The following ZDHHC14 variants were observed in gnomAD, a reference collection of about 807,000 sequenced individuals.
ZDHHC14 encodes palmitoyltransferase ZDHHC14.
Under a neutral mutation model 47.7 loss-of-function variants are expected in ZDHHC14, and 16 were observed. The ratio of observed to expected loss-of-function variants is 0.34; its 90% confidence interval spans 0.23 to 0.51. ZDHHC14 has a LOEUF of 0.51. Among genes scored for constraint, ZDHHC14 ranks in the 20% least tolerant of loss-of-function variants. The pLI, the probability that ZDHHC14 is intolerant of heterozygous loss-of-function variation, is 0.97. For missense variants in ZDHHC14, 515 were observed against 662.5 expected, an observed-to-expected ratio of 0.78 and a Z score of 2.44; for synonymous variants, 293 against 278.9, an observed-to-expected ratio of 1.05 and a Z score of -0.50.
At chr6:157,426,628 T>C (rs1583634825) in intron 1 of ZDHHC14, among the ~76,000 whole-genome samples, 1 of 152,014 alleles carries the variant, frequency 6.6e-6, no homozygotes, top group East Asian at 1.9e-4. Context: ...GCTGTGGGTT[T>C]GGATGAGGAG....
Position 157,673,659 on chromosome 6 carries a change from T to C in ZDHHC14, c.*537T>C, listed in dbSNP as rs772589330. 1.3e-5 allele frequency: 2 copies of C among 153,052 alleles called. No individual in the cohort carries two copies. The highest frequency in any genetic ancestry group is 2.4e-5 in the African/African-American group (1 of 41,458). The allele number at this position is 153,052 out of a possible 1,614,324, so 9.5% of individuals were successfully genotyped here. On this transcript the variant is annotated 3_prime_UTR_variant, in exon 9 of 9. Transcript: ENST00000359775. The surrounding 1 kb of genome is among the most constrained non-coding windows in gnomAD (Gnocchi z 5.4). Reference sequence around the variant, plus strand: ...CTTTCTTTTTCTTTTTTTAATTTTGTGAATTTTCAAGTGCTGTTTTGTTGG... The same window carrying C: ...CTTTCTTTTTCTTTTTTTAATTTTGCGAATTTTCAAGTGCTGTTTTGTTGG...
At chr6:157,443,545 A>G (rs894732151) in intron 1 of ZDHHC14, among the ~76,000 whole-genome samples, 7 of 152,200 alleles carry the variant, frequency 4.6e-5, no homozygotes, top group African/African-American at 1.7e-4. Context: ...AAAACCAAAA[A>G]CATAAGCCAG....
At chr6:157,550,318 T>C (rs1480242993) in intron 2 of ZDHHC14, among the ~76,000 whole-genome samples, 2 of 145,700 alleles carry the variant, frequency 1.4e-5, no homozygotes, top group African/African-American at 2.6e-5. Context: ...CACACAGGCA[T>C]TCTAGAGAGA....
chr6:157,647,479 C>T (rs1777619322), intron 7 of ZDHHC14, 111 bp downstream of exon 7: 1 of 691,082 alleles, frequency 1.4e-6, no homozygotes, highest in South Asian at 2.0e-5. Flanking sequence ...ACCACGTGAC[C>T]ACTTTGTGCC....
intron 1 of ZDHHC14, among the ~76,000 whole-genome samples, chr6:157,467,575 A>T (rs1779250689): frequency 6.7e-6 from 1 of 149,072 alleles, no homozygotes; most frequent in South Asian, 2.1e-4. Context: ...TTTGAGATGG[A>T]GCCTCACTCT....
chr6:157,419,292 T>C (rs1778049429), intron 1 of ZDHHC14, among the ~76,000 whole-genome samples: 1 of 152,230 alleles, frequency 6.6e-6, no homozygotes, highest in Non-Finnish European at 1.5e-5. Flanking sequence ...GTATATTCTA[T>C]GGATTTATGT....
At chr6:157,532,395 G>A (rs913233174) in intron 1 of ZDHHC14, among the ~76,000 whole-genome samples, 1 of 152,326 alleles carries the variant, frequency 6.6e-6, no homozygotes, top group Middle Eastern at 3.4e-3. Flanking sequence ...GTGTTGAGGA[G>A]ATTTAATTTG....
chr6:157,536,819 C>CTTTTTTT (rs768063106), intron 1 of ZDHHC14, among the ~76,000 whole-genome samples: 1 of 97,998 alleles, frequency 1.0e-5, no homozygotes. Context: ...CTCCATCTAT[C>CTTTTTTT]TTTTTTTTTT....
At chr6:157,652,158 G>A (rs1439422977) in intron 7 of ZDHHC14, among the ~76,000 whole-genome samples, 1 of 152,178 alleles carries the variant, frequency 6.6e-6, no homozygotes, top group African/African-American at 2.4e-5. Flanking sequence ...AACCTATGGA[G>A]TGTTCAGCTG....
At chr6:157,610,413 C>A (rs965610297) in intron 3 of ZDHHC14, among the ~76,000 whole-genome samples, 2 of 152,114 alleles carry the variant, frequency 1.3e-5, no homozygotes, top group Admixed American at 6.5e-5. Flanking sequence ...GCCTGGGTGA[C>A]AGAGCAAGAC....
intron 1 of ZDHHC14, among the ~76,000 whole-genome samples, chr6:157,529,549 G>C (rs141404471): frequency 6.6e-6 from 1 of 152,202 alleles, no homozygotes; most frequent in African/African-American, 2.4e-5. Context: ...TTGACCTTCA[G>C]TCACTAAGGC....
chr6:157,648,823 C>T (rs944385389), intron 7 of ZDHHC14, among the ~76,000 whole-genome samples: 8 of 152,192 alleles, frequency 5.3e-5, no homozygotes, highest in Non-Finnish European at 8.8e-5. Context: ...TGGTGCTTCC[C>T]GCTGGCTTGT....
intron 1 of ZDHHC14, among the ~76,000 whole-genome samples, chr6:157,423,751 T>C (rs1221970182): frequency 6.6e-6 from 1 of 152,218 alleles, no homozygotes; most frequent in Non-Finnish European, 1.5e-5. Flanking sequence ...GAAATGTGGC[T>C]TCCAACTTGC....
intron 1 of ZDHHC14, among the ~76,000 whole-genome samples, chr6:157,429,306 A>G (rs1378840280): frequency 2.0e-5 from 3 of 152,204 alleles, no homozygotes; most frequent in Non-Finnish European, 4.4e-5. Context: ...TGGAAAATAG[A>G]GTACGTCTCC....
intron 8 of ZDHHC14, among the ~76,000 whole-genome samples, chr6:157,672,428 C>T (rs1047436263): frequency 1.3e-5 from 2 of 152,094 alleles, no homozygotes; most frequent in Non-Finnish European, 2.9e-5. Flanking sequence ...TTAATTATGT[C>T]CTTTAAATTG....
chr6:157,638,872 G>T (rs192896922), intron 5 of ZDHHC14, among the ~76,000 whole-genome samples: 3 of 152,216 alleles, frequency 2.0e-5, no homozygotes, highest in Non-Finnish European at 4.4e-5. Flanking sequence ...GTGGGAGATG[G>T]GTGGGTTCTA....
intron 2 of ZDHHC14, among the ~76,000 whole-genome samples, chr6:157,561,220 G>T (rs571620122): frequency 6.7e-6 from 1 of 148,372 alleles, no homozygotes; most frequent in South Asian, 2.1e-4. Flanking sequence ...TCTATCCCGT[G>T]TGTGGAAGAA....
chr6:157,616,264 A>G (rs1784959200), intron 3 of ZDHHC14, among the ~76,000 whole-genome samples: 1 of 152,086 alleles, frequency 6.6e-6, no homozygotes, highest in African/African-American at 2.4e-5. Context: ...GACCATGACC[A>G]CCTCCTGCTG....
chr6:157,400,239 C>T (rs1429279229), intron 1 of ZDHHC14, among the ~76,000 whole-genome samples: 2 of 152,204 alleles, frequency 1.3e-5, no homozygotes, highest in African/African-American at 2.4e-5. Context: ...AGCCACAGCT[C>T]TGCAGGCCTT....
Sources: gnomAD v4.1 joint callset for allele counts (sites outside exome capture counted in the v4.1 genomes callset) on GRCh38, gnomAD v4.1.1 for gene constraint, Gnocchi (gnomAD v3.1) non-coding constraint, MANE v1.5 for transcripts, NCBI Gene and HGNC (gene_info 2026-07-23, HGNC 2026-07-21) for gene names.